The following NBEA variants were observed in gnomAD, a reference collection of about 807,000 sequenced individuals.
NBEA encodes the protein neurobeachin.
A neutral mutation model predicts 343.4 loss-of-function variants in NBEA; 44 were observed. The ratio of observed to expected loss-of-function variants is 0.13; its 90% confidence interval spans 0.10 to 0.16. NBEA has a LOEUF of 0.16. Ranked by LOEUF, NBEA falls within the 10% of genes least tolerant of loss-of-function variation. The pLI is 1.00. For synonymous variants in NBEA, 1,175 were observed against 1,238.7 expected, an observed-to-expected ratio of 0.95 and a Z score of 1.08; for missense variants, 2,555 against 3,631.3, an observed-to-expected ratio of 0.70 and a Z score of 7.62.
At chr13:34,978,474 TG>T (rs1469996800) in intron 1 of NBEA, among the ~76,000 whole-genome samples, 3 of 152,214 alleles carry the variant, frequency 2.0e-5, no homozygotes, top group Non-Finnish European at 4.4e-5. Flanking sequence ...ATTCAATGTT[TG>T]GCTACCTCCC....
intron 8 of NBEA, among the ~76,000 whole-genome samples, chr13:35,068,842 T>C (rs2063755165): frequency 6.6e-6 from 1 of 152,160 alleles, no homozygotes; most frequent in African/African-American, 2.4e-5. Context: ...CTAGCAACAT[T>C]GAACAGTTGA....
In NBEA at chr13:35,627,996, A is replaced by G. The variant is rs2083299599; in HGVS notation, c.7450-85A>G. 13 of 990,206 alleles carry G rather than the reference A, an allele frequency of 1.3e-5. No homozygotes were observed. In the South Asian group the frequency reaches 2.6e-4, roughly 20 times the overall value. 61.3% of individuals were successfully genotyped at this position (990,206 alleles called of 1,614,324 possible). ...AAAGAGCATATTCTCCTTTTTATAT[A>G]TATTTCAAAGTAAAAAAAAAATAAA... On this transcript the variant is annotated intron_variant, in intron 48 of 58. Coordinates refer to ENST00000379939, the MANE Select transcript of NBEA (RefSeq NM_001385012.1).
intron 1 of NBEA, among the ~76,000 whole-genome samples, chr13:35,015,705 A>C (rs1051418345): frequency 1.3e-5 from 2 of 152,102 alleles, no homozygotes; most frequent in Non-Finnish European, 2.9e-5. Context: ...AATTACAAAA[A>C]TATTTTAGTA....
At chr13:35,276,925 G>A (rs1594046410) in intron 34 of NBEA, among the ~76,000 whole-genome samples, 1 of 152,126 alleles carries the variant, frequency 6.6e-6, no homozygotes, top group African/African-American at 2.4e-5. Context: ...TTTAAATTTT[G>A]TAATATTACA....
chr13:35,022,162 C>T (rs879758467), intron 1 of NBEA, among the ~76,000 whole-genome samples: 4 of 152,092 alleles, frequency 2.6e-5, no homozygotes, highest in Admixed American at 2.6e-4. Context: ...TTACTTGTCA[C>T]TTGACTACTG....
At chr13:35,266,378 T>A (rs1297153160) in intron 34 of NBEA, among the ~76,000 whole-genome samples, 1 of 151,844 alleles carries the variant, frequency 6.6e-6, no homozygotes, top group Non-Finnish European at 1.5e-5. Flanking sequence ...CAAAGAGATA[T>A]CTACACTCTC....
intron 38 of NBEA, among the ~76,000 whole-genome samples, chr13:35,428,706 G>GATGT (rs2044880537): frequency 6.6e-6 from 1 of 151,872 alleles, no homozygotes; most frequent in Non-Finnish European, 1.5e-5. Flanking sequence ...CTGCCATTTC[G>GATGT]ATGTTGGCAT....
chr13:35,411,294 A>G (rs183894597), intron 38 of NBEA, among the ~76,000 whole-genome samples: 2 of 152,272 alleles, frequency 1.3e-5, no homozygotes, highest in Non-Finnish European at 2.9e-5. Context: ...TTAATTTCTC[A>G]GTTAGAATTT....
chr13:35,487,134 C>T (rs570344057), intron 41 of NBEA, among the ~76,000 whole-genome samples: 25 of 151,976 alleles, frequency 1.6e-4, no homozygotes, highest in African/African-American at 5.3e-4. Context: ...AATTTAAGTG[C>T]AGTCATTTCC....
intron 18 of NBEA, among the ~76,000 whole-genome samples, chr13:35,146,846 C>G (rs1158751780): frequency 6.6e-6 from 1 of 152,132 alleles, no homozygotes; most frequent in African/African-American, 2.4e-5. Context: ...ACCACAAAAG[C>G]CACATCAAGC....
intron 48 of NBEA, among the ~76,000 whole-genome samples, chr13:35,626,084 C>A (rs183450045): frequency 6.6e-6 from 1 of 152,076 alleles, no homozygotes; most frequent in South Asian, 2.1e-4. Context: ...CCATGAGAAG[C>A]AATGGGCTAG....
intron 31 of NBEA, among the ~76,000 whole-genome samples, chr13:35,208,049 G>A (rs1325308302): frequency 5.3e-5 from 8 of 151,884 alleles, no homozygotes; most frequent in South Asian, 2.1e-4. Context: ...GTGAAACCCC[G>A]TCTCTACTAA....
intron 49 of NBEA, among the ~76,000 whole-genome samples, chr13:35,638,582 T>C (rs1001875201): frequency 2.6e-5 from 4 of 152,200 alleles, no homozygotes; most frequent in African/African-American, 9.6e-5. Context: ...TGGAGGCGCA[T>C]CTTCCAGAGC....
chr13:35,298,211 G>GTGTA (rs1233681936), intron 35 of NBEA, among the ~76,000 whole-genome samples: 3 of 103,032 alleles, frequency 2.9e-5, no homozygotes, highest in South Asian at 3.1e-4. Flanking sequence ...GTGTGTGTGT[G>GTGTA]TATATATATA....
chr13:35,051,659 T>C (rs2063070183), intron 6 of NBEA, among the ~76,000 whole-genome samples: 1 of 152,058 alleles, frequency 6.6e-6, no homozygotes, highest in Non-Finnish European at 1.5e-5. Context: ...ACAAATTGAT[T>C]ATTTTAATAC....
intron 41 of NBEA, among the ~76,000 whole-genome samples, chr13:35,537,961 C>T (rs891202075): frequency 2.0e-5 from 3 of 152,166 alleles, no homozygotes; most frequent in Non-Finnish European, 2.9e-5. Context: ...TAGCTTCTTC[C>T]CACTGTCCTC....
intron 56 of NBEA, 61 bp downstream of exon 56, chr13:35,665,247 G>A (rs1008289011): frequency 2.9e-5 from 38 of 1,313,628 alleles, no homozygotes; most frequent in African/African-American, 2.0e-4. Flanking sequence ...CACACTAAGC[G>A]TGATTGTCAG....
intron 1 of NBEA, among the ~76,000 whole-genome samples, chr13:34,995,168 A>C (rs1484740492): frequency 6.6e-6 from 1 of 152,092 alleles, no homozygotes; most frequent in Non-Finnish European, 1.5e-5. Context: ...AAAAGGAAAA[A>C]CTGGCTGGGT....
chr13:35,024,277 T>A (rs2061942805), intron 1 of NBEA, among the ~76,000 whole-genome samples: 1 of 152,176 alleles, frequency 6.6e-6, no homozygotes, highest in Non-Finnish European at 1.5e-5. Context: ...CCTTTGCTAT[T>A]GTGAATAGTG....
Sources: allele counts gnomAD v4.1 joint callset (sites outside exome capture counted in the v4.1 genomes callset), GRCh38; gene constraint gnomAD v4.1.1; transcripts MANE v1.5; gene names NCBI Gene and HGNC (gene_info 2026-07-23, HGNC 2026-07-21).